POLR1C: variants seen among roughly 807,000 people sequenced by gnomAD.
POLR1C encodes DNA-directed RNA polymerases I and III subunit RPAC1.
POLR1C carries 42 observed loss-of-function variants against 38.3 expected under a neutral mutation model. The observed-to-expected ratio is 1.10, with a 90% confidence interval of 0.86 to 1.42. The LOEUF is 1.42. Ranked by LOEUF, POLR1C falls within the 40% of genes most tolerant of loss-of-function variation. The pLI, the probability that POLR1C is intolerant of heterozygous loss-of-function variation, is 0.00. For missense variants in POLR1C, 507 were observed against 450.5 expected (o/e 1.13, Z -1.14); for synonymous variants, 163 against 163.9 (o/e 0.99, Z 0.04).
intron 9 of POLR1C, chr6:43,546,649 G>C: frequency 6.2e-7 from 1 of 1,613,854 alleles, no homozygotes; most frequent in South Asian, 1.1e-5. Flanking sequence ...ATTTCCACTG[G>C]ATGTATAACC....
chr6:43,530,906 T>C (rs1457492432), downstream of POLR1C: 6 of 1,483,808 alleles, frequency 4.0e-6, no homozygotes, highest in Admixed American at 7.5e-5. Flanking sequence ...ATTTCATTTC[T>C]AGCCTACAAT....
chr6:43,537,091 C>A (rs896894938), intron 9 of POLR1C, among the ~76,000 whole-genome samples: 3 of 151,784 alleles, frequency 2.0e-5, no homozygotes, highest in African/African-American at 7.3e-5. Context: ...CTCAGGCTCC[C>A]GAGTAGCTGG....
chr6:43,539,658 C>T (rs1253775353), intron 9 of POLR1C: 4 of 1,184,154 alleles, frequency 3.4e-6, no homozygotes, highest in African/African-American at 1.5e-5. Context: ...ATCCCAGGGC[C>T]ACCAGGGCCT....
At chr6:43,523,785 G>A (rs776411274), downstream of POLR1C, 23 of 1,608,570 alleles carry the variant, frequency 1.4e-5, no homozygotes, top group Admixed American at 2.3e-4. Context: ...TGAGGTGGCA[G>A]TGCAAGAAGG....
chr6:43,553,898 T>C lies in POLR1C; in HGVS notation c.*48+2887T>C, dbSNP rs550967186. The stretch of plus-strand genomic sequence containing the variant: ...TCCTCCCCCTTTATAATCTTTTCCA[T>C]GAGAATCTAAATAATTAAAATTGAG... On this transcript the variant is annotated intron_variant, in intron 10 of 10. Coordinates refer to the POLR1C transcript ENST00000607635. Among the ~76,000 whole-genome samples the C allele has an allele frequency of 5.7e-4, 87 of 152,242 alleles. 2 individuals are homozygous for C. The South Asian group carries it at 0.018, about 31-fold the overall frequency.
chr6:43,519,544 C>A (rs1340699698), intron 3 of POLR1C, 104 bp downstream of exon 3: 4 of 1,401,978 alleles, frequency 2.9e-6, no homozygotes, highest in Non-Finnish European at 4.0e-6. Flanking sequence ...CCTTAATTTT[C>A]CTGGAATTTT....
At chr6:43,543,694 A>G (rs910293462) in intron 9 of POLR1C, among the ~76,000 whole-genome samples, 1 of 151,452 alleles carries the variant, frequency 6.6e-6, no homozygotes, top group African/African-American at 2.4e-5. Flanking sequence ...CTTTTTTGAG[A>G]CGGAGTCTTC....
At chr6:43,519,593 A>G in intron 3 of POLR1C, 113 bp from the exon 4 acceptor site, 1 of 1,521,300 alleles carries the variant, frequency 6.6e-7, no homozygotes, top group Non-Finnish European at 9.1e-7. Flanking sequence ...TAAATTTCTC[A>G]TTAAACATTC....
chr6:43,527,577 G>A (rs1451336706), intron 8 of POLR1C: 9 of 1,576,268 alleles, frequency 5.7e-6, no homozygotes, highest in Admixed American at 1.7e-5. Flanking sequence ...TTGGCTGAGC[G>A]ACCAGCTCTT....
chr6:43,560,742 A>T (rs778934659), intron 10 of POLR1C, among the ~76,000 whole-genome samples: 6 of 152,196 alleles, frequency 3.9e-5, no homozygotes, highest in Admixed American at 1.3e-4. Context: ...TGACCTAGAC[A>T]AGTGCACTGT....
At chr6:43,558,301 G>A (rs1481670309) in intron 10 of POLR1C, among the ~76,000 whole-genome samples, 2 of 152,108 alleles carry the variant, frequency 1.3e-5, no homozygotes, top group African/African-American at 2.4e-5. Flanking sequence ...TGCTGTGGGG[G>A]TTTGTGGTGT....
chr6:43,522,066 A>AT (rs1793221246), downstream of POLR1C, among the ~76,000 whole-genome samples: 1 of 152,238 alleles, frequency 6.6e-6, no homozygotes, highest in Non-Finnish European at 1.5e-5. Context: ...TCATGTTGCT[A>AT]TTGACAGCTC....
intron 10 of POLR1C, among the ~76,000 whole-genome samples, chr6:43,560,740 A>T (rs1438263923): frequency 6.6e-6 from 1 of 152,214 alleles, no homozygotes; most frequent in African/African-American, 2.4e-5. Context: ...GCTGACCTAG[A>T]CAAGTGCACT....
downstream of POLR1C, chr6:43,523,856 C>T (rs1793360739): frequency 1.9e-6 from 3 of 1,613,956 alleles, no homozygotes; most frequent in Non-Finnish European, 2.5e-6. Context: ...GAAGGATGCC[C>T]AAAAGCTTGA....
chr6:43,519,931 G>A, intron 4 of POLR1C, 93 bp downstream of exon 4: 4 of 1,539,804 alleles, frequency 2.6e-6, no homozygotes, highest in Non-Finnish European at 2.7e-6. Context: ...TTGTACATCA[G>A]TGTCTTTCAT....
At position 43,521,330 on chromosome 6, in the gene POLR1C, T is replaced by C. The variant is rs185499373; in HGVS notation, c.*30T>C. On this transcript the variant is annotated 3_prime_UTR_variant, in exon 9 of 9. Coordinates refer to ENST00000642195, the MANE Select transcript of POLR1C (RefSeq NM_203290.4). ...GGATGCTTCTGAGGCAAGCTGAAGCTTTGGGTTCTGACTGACCCACCCTAC... is the reference window on the plus strand; with the variant it reads ...GGATGCTTCTGAGGCAAGCTGAAGCCTTGGGTTCTGACTGACCCACCCTAC... The C allele has an allele frequency of 4.9e-3, 7,893 of 1,611,892 alleles. 35 individuals carry two copies. Among genetic ancestry groups the C allele is most frequent in the South Asian group, 6.6e-3 (603 of 90,918 alleles).
At chr6:43,549,518 T>G in intron 9 of POLR1C, 1 of 1,613,238 alleles carries the variant, frequency 6.2e-7, no homozygotes. Flanking sequence ...TCACGACACA[T>G]CTTGATGATG....
intron 9 of POLR1C, among the ~76,000 whole-genome samples, chr6:43,542,632 G>C (rs1185475617): frequency 2.0e-5 from 3 of 151,972 alleles, no homozygotes; most frequent in Admixed American, 6.6e-5. Flanking sequence ...CACCATGTTG[G>C]CCAGGCTGGT....
chr6:43,559,766 G>A (rs1762308327), intron 10 of POLR1C, among the ~76,000 whole-genome samples: 1 of 152,208 alleles, frequency 6.6e-6, no homozygotes, highest in Non-Finnish European at 1.5e-5. Context: ...AATATGTCCA[G>A]TAAAGGAATC....
Sources: gnomAD v4.1 joint callset for allele counts (sites outside exome capture counted in the v4.1 genomes callset) on GRCh38, gnomAD v4.1.1 for gene constraint, MANE v1.5 for transcripts, NCBI Gene and HGNC (gene_info 2026-07-23, HGNC 2026-07-21) for gene names.